GARIN2: variants seen among roughly 807,000 people sequenced by gnomAD.
The protein encoded by GARIN2 is Golgi-associated RAB2 interactor protein 2.
At chr14:67,218,970 C>G in the GARIN2 span, among the ~76,000 whole-genome samples, 113 of 152,054 alleles carry the variant, frequency 7.4e-4, no homozygotes, top group African/African-American at 2.5e-3. Flanking sequence ...TGTTCAGCCA[C>G]CAGTGTGGGC....
At chr14:67,189,804 T>G in the GARIN2 span, 2 of 151,852 alleles carry the variant, frequency 1.3e-5, no homozygotes, top group African/African-American at 4.8e-5. Flanking sequence ...AGTTTGAGTT[T>G]GAAATGAAAG....
At chr14:67,214,979 G>A in the GARIN2 span, among the ~76,000 whole-genome samples, 1 of 152,072 alleles carries the variant, frequency 6.6e-6, no homozygotes, top group Non-Finnish European at 1.5e-5. Context: ...TCTGTTATTG[G>A]TGTATAAGAA....
chr14:67,214,726 G>T, the GARIN2 span, among the ~76,000 whole-genome samples: 1 of 152,030 alleles, frequency 6.6e-6, no homozygotes, highest in Non-Finnish European at 1.5e-5. Context: ...GCTTGATGGG[G>T]ATGGCATTGA....
chr14:67,193,427 A>G, the GARIN2 span, among the ~76,000 whole-genome samples: 8 of 142,306 alleles, frequency 5.6e-5, no homozygotes, highest in East Asian at 1.3e-3. Context: ...CTATATTTAT[A>G]TCTGTATATC....
chr14:67,214,509 T>C, the GARIN2 span, among the ~76,000 whole-genome samples: 1 of 152,246 alleles, frequency 6.6e-6, no homozygotes, highest in African/African-American at 2.4e-5. Flanking sequence ...GGCTCTGTTC[T>C]GTTCCATTGA....
chr14:67,195,902 G>A, the GARIN2 span, among the ~76,000 whole-genome samples: 1 of 151,964 alleles, frequency 6.6e-6, no homozygotes, highest in African/African-American at 2.4e-5. Flanking sequence ...TCCTAGAGAG[G>A]CCTTTAGAAG....
At chr14:67,191,562 G>T in the GARIN2 span, among the ~76,000 whole-genome samples, 2 of 152,104 alleles carry the variant, frequency 1.3e-5, no homozygotes, top group African/African-American at 4.8e-5. Context: ...AAAATTTCCA[G>T]ATGACTGCAT....
At chr14:67,200,250 C>A in the GARIN2 span, 2 of 894,520 alleles carry the variant, frequency 2.2e-6, no homozygotes, top group Non-Finnish European at 3.4e-6. Context: ...TGGCTACCAG[C>A]CTCTCCCTCC....
At chr14:67,226,098 T>G in the GARIN2 span, among the ~76,000 whole-genome samples, 1 of 152,250 alleles carries the variant, frequency 6.6e-6, no homozygotes, top group Non-Finnish European at 1.5e-5. Flanking sequence ...GCTGATGGAA[T>G]CAAGGTGCTC....
the GARIN2 span, among the ~76,000 whole-genome samples, chr14:67,209,085 T>C: frequency 1.3e-5 from 2 of 152,222 alleles, no homozygotes; most frequent in Non-Finnish European, 2.9e-5. Flanking sequence ...GGAAAGATCA[T>C]TTATTGTCCG....
At chr14:67,212,144 CA>C in the GARIN2 span, among the ~76,000 whole-genome samples, 1 of 152,074 alleles carries the variant, frequency 6.6e-6, no homozygotes, top group East Asian at 1.9e-4. Context: ...ACAGTAAACA[CA>C]CTAGGTACAT....
chr14:67,223,342 T>C, the GARIN2 span, among the ~76,000 whole-genome samples: 1 of 152,228 alleles, frequency 6.6e-6, no homozygotes, highest in Non-Finnish European at 1.5e-5. Context: ...TGAACTTCAC[T>C]GTAATGTGGT....
the GARIN2 span, among the ~76,000 whole-genome samples, chr14:67,193,470 GATATCTAGATACAGATAGCTAT>G: frequency 7.3e-6 from 1 of 136,800 alleles, no homozygotes; most frequent in African/African-American, 2.7e-5. Context: ...TAGATATCTA[GATATCTAGATACAGATAGCTAT>G]ATATCTAGAT....
At chr14:67,190,666 G>A in the GARIN2 span, among the ~76,000 whole-genome samples, 2 of 152,126 alleles carry the variant, frequency 1.3e-5, no homozygotes, top group African/African-American at 4.8e-5. Flanking sequence ...AGAACACAAG[G>A]CTTTCTCTTC....
chr14:67,190,174 CA>C, the GARIN2 span, among the ~76,000 whole-genome samples: 2 of 150,598 alleles, frequency 1.3e-5, no homozygotes, highest in African/African-American at 4.9e-5. Context: ...CTCAGCCTCC[CA>C]AAATGCTGGG....
the GARIN2 span, among the ~76,000 whole-genome samples, chr14:67,216,337 G>A: frequency 1.2e-4 from 18 of 151,936 alleles, no homozygotes; most frequent in Admixed American, 1.0e-3. Context: ...GGCAATGCTG[G>A]CCTCATAGAA....
At chr14:67,203,687 C>T in the GARIN2 span, among the ~76,000 whole-genome samples, 1 of 152,104 alleles carries the variant, frequency 6.6e-6, no homozygotes, top group African/African-American at 2.4e-5. Flanking sequence ...TAAATGGACG[C>T]TTTCTCATGG....
chr14:67,189,837 A>ATTTTTTTTTTTT, the GARIN2 span: 7 of 108,096 alleles, frequency 6.5e-5, no homozygotes, highest in East Asian at 2.6e-4. Context: ...ATTTTTTTTA[A>ATTTTTTTTTTTT]TTTTTTTTTT....
the GARIN2 span, among the ~76,000 whole-genome samples, chr14:67,219,302 C>T: frequency 2.0e-5 from 3 of 152,182 alleles, no homozygotes; most frequent in Non-Finnish European, 4.4e-5. Context: ...GGAGGTCTCT[C>T]CTGACTCTGG....
Sources: gnomAD v4.1 joint callset for allele counts (sites outside exome capture counted in the v4.1 genomes callset) on GRCh38, gnomAD v4.1.1 for gene constraint, MANE v1.5 for transcripts, NCBI Gene and HGNC (gene_info 2026-07-23, HGNC 2026-07-21) for gene names.